Variants in IGSF21 observed in about 807,000 individuals in gnomAD.
IGSF21 encodes immunoglobulin superfamily member 21.
Under a neutral mutation model 46.8 loss-of-function variants are expected in IGSF21, and 28 were observed. The observed-to-expected ratio is 0.60, with a 90% CI of 0.44 to 0.82. IGSF21 has a LOEUF of 0.82. Among genes scored for constraint, IGSF21 ranks in the 40% least tolerant of loss-of-function variants. IGSF21 has a pLI of 0.00. For synonymous variants in IGSF21, 284 were observed against 273.6 expected, an observed-to-expected ratio of 1.04 and a Z score of -0.38; for missense variants, 624 against 665.5, an observed-to-expected ratio of 0.94 and a Z score of 0.69.
rs1214148415 is a variant in IGSF21, at chr1:18,109,022, G to T, written c.70+824G>T. 6.7e-6 allele frequency among the ~76,000 whole-genome samples: 1 copy of T among 149,516 alleles called. No homozygotes were observed. Among genetic ancestry groups the T allele is most frequent in the African/African-American group, 2.5e-5 (1 of 40,530 alleles). On this transcript the variant is annotated intron_variant, in intron 1 of 9. Coordinates refer to ENST00000251296, the MANE Select transcript of IGSF21 (RefSeq NM_032880.5). The surrounding 1 kb of genome is among the most constrained non-coding windows in gnomAD (Gnocchi z 4.8). Reference sequence around the variant, plus strand: ...TGTGTGTGTGTGTGTGTGTCCCGCCGTGTGGACTTGCTCCCGGGTTAGGCT... The same window carrying T: ...TGTGTGTGTGTGTGTGTGTCCCGCCTTGTGGACTTGCTCCCGGGTTAGGCT...
chr1:18,374,450 T>G (rs1445903912), intron 6 of IGSF21, among the ~76,000 whole-genome samples: 3 of 152,106 alleles, frequency 2.0e-5, no homozygotes. Context: ...CACTTGGGAA[T>G]GCGAAGGGGA....
At position 18,169,413 on chromosome 1, in the gene IGSF21, T is replaced by C. The variant is rs530176175; in HGVS notation, c.71-58485T>C. ...TCTTCCACCATTCCTCTAACCCCCG[T>C]CTTGCCCACGCTAACTGGGATGCCA... On this transcript the variant is annotated intron_variant, in intron 1 of 9. Transcript: ENST00000251296. Among the ~76,000 whole-genome samples the C allele has an allele frequency of 2.3e-3, 357 of 152,300 alleles. 1 individual carries two copies. The highest frequency in any genetic ancestry group is 4.6e-3 in the Admixed American group (70 of 15,294).
chr1:18,283,896 T>C (rs1330274833), intron 2 of IGSF21, among the ~76,000 whole-genome samples: 1 of 152,078 alleles, frequency 6.6e-6, no homozygotes, highest in Non-Finnish European at 1.5e-5. Context: ...ATGATGTTCA[T>C]TCCTATAAAA....
intron 4 of IGSF21, among the ~76,000 whole-genome samples, chr1:18,361,013 G>T (rs367811335): frequency 6.6e-6 from 1 of 152,136 alleles, no homozygotes; most frequent in African/African-American, 2.4e-5. Context: ...ACCAGCCAGG[G>T]GCAGTGGGTG....
In IGSF21 at chr1:18,131,677, G is replaced by A. The variant is rs758355425; in HGVS notation, c.70+23479G>A. The stretch of plus-strand genomic sequence containing the variant: ...GTTCACTGAAGGTATCTCTGTAGGC[G>A]GGTGGTTTTCCTCCATGTGCTGACT... On this transcript the variant is annotated intron_variant, in intron 1 of 9. Transcript: ENST00000251296. 6.1e-4 allele frequency among the ~76,000 whole-genome samples: 93 copies of A among 152,150 alleles called. 3 individuals are homozygous for A. Among genetic ancestry groups the A allele is most frequent in the African/African-American group, 1.4e-4 (6 of 41,434 alleles).
rs75870507 is a variant in IGSF21, at chr1:18,341,308, C to T, written c.424+6298C>T. On this transcript the variant is annotated intron_variant, in intron 4 of 9. Transcript: ENST00000251296. ...CATCAGTCATTGAATTAGGACTCACCCTAATCCAGTGTGACCTCATCTTAC... is the reference window on the plus strand; with the variant it reads ...CATCAGTCATTGAATTAGGACTCACTCTAATCCAGTGTGACCTCATCTTAC... Among the ~76,000 whole-genome samples the T allele has an allele frequency of 7.9e-3, 1,196 of 152,106 alleles. 10 individuals are homozygous for T. The highest frequency in any genetic ancestry group is 0.037 in the South Asian group (180 of 4,820).
intron 1 of IGSF21, among the ~76,000 whole-genome samples, chr1:18,157,923 C>T (rs1363415239): frequency 2.6e-5 from 4 of 152,202 alleles, no homozygotes; most frequent in Non-Finnish European, 5.9e-5. Context: ...TCCCACTAGA[C>T]TGCGAGCTTC....
chr1:18,289,044 A>G (rs796300957), intron 2 of IGSF21, among the ~76,000 whole-genome samples: 4 of 152,160 alleles, frequency 2.6e-5, no homozygotes, highest in African/African-American at 9.6e-5. Context: ...GTGTGTGGGT[A>G]TGTGTGTGGA....
chr1:18,354,750 A>C (rs1317619647), intron 4 of IGSF21, among the ~76,000 whole-genome samples: 1 of 152,160 alleles, frequency 6.6e-6, no homozygotes, highest in African/African-American at 2.4e-5. Flanking sequence ...TCCTCGAGAC[A>C]ATGGTTACTC....
At chr1:18,371,122 G>A (rs1381926024) in intron 6 of IGSF21, among the ~76,000 whole-genome samples, 1 of 152,130 alleles carries the variant, frequency 6.6e-6, no homozygotes, top group Non-Finnish European at 1.5e-5. Flanking sequence ...TTTATTCATG[G>A]CAACAGCAAA....
chr1:18,353,199 A>G (rs532864771), intron 4 of IGSF21, among the ~76,000 whole-genome samples: 28 of 151,332 alleles, frequency 1.9e-4, no homozygotes, highest in African/African-American at 5.6e-4. Flanking sequence ...TAATTTTCCC[A>G]TAAACCAAAG....
intron 1 of IGSF21, among the ~76,000 whole-genome samples, chr1:18,150,591 C>T (rs566887012): frequency 4.6e-5 from 7 of 152,254 alleles, no homozygotes; most frequent in South Asian, 2.1e-4. Context: ...AGGGGCTAGG[C>T]GAGACCGGTA....
At chr1:18,191,476 G>A (rs933168233) in intron 1 of IGSF21, among the ~76,000 whole-genome samples, 3 of 152,106 alleles carry the variant, frequency 2.0e-5, no homozygotes, top group African/African-American at 4.8e-5. Flanking sequence ...GATTATGTGA[G>A]GCTTTGCTGA....
chr1:18,210,929 G>T (rs995581496), intron 1 of IGSF21, among the ~76,000 whole-genome samples: 3 of 152,056 alleles, frequency 2.0e-5, no homozygotes, highest in African/African-American at 7.2e-5. Context: ...GTGCAGTGGC[G>T]TGATCTAGGC....
At chr1:18,227,135 T>C (rs944973482) in intron 1 of IGSF21, among the ~76,000 whole-genome samples, 2 of 152,188 alleles carry the variant, frequency 1.3e-5, no homozygotes, top group Non-Finnish European at 1.5e-5. Context: ...AGTGGGTCTA[T>C]AATGGACTTC....
intron 1 of IGSF21, among the ~76,000 whole-genome samples, chr1:18,137,126 C>T (rs1268292201): frequency 1.3e-5 from 2 of 152,130 alleles, no homozygotes; most frequent in East Asian, 3.9e-4. Flanking sequence ...CCTCTAGAAG[C>T]TTCCAATCAT....
At chr1:18,140,311 G>C (rs544947463) in intron 1 of IGSF21, among the ~76,000 whole-genome samples, 4 of 152,290 alleles carry the variant, frequency 2.6e-5, no homozygotes, top group African/African-American at 9.6e-5. Context: ...AGTTCTAGTT[G>C]CCTGCAGGAA....
rs1410722009 is a variant in IGSF21, at chr1:18,108,058, C to T, written c.-71C>T. On this transcript the variant is annotated 5_prime_UTR_variant, in exon 1 of 10. Coordinates refer to ENST00000251296, the MANE Select transcript of IGSF21 (RefSeq NM_032880.5). Reference sequence around the variant, plus strand: ...CCGGAGGCAGGAGCGCGTCTGAGCCCATGGCGAGGGGACCCGCCGCCACCG... The same window carrying T: ...CCGGAGGCAGGAGCGCGTCTGAGCCTATGGCGAGGGGACCCGCCGCCACCG... 2 of 681,186 alleles carry T rather than the reference C, an allele frequency of 2.9e-6. No homozygotes were observed. Among genetic ancestry groups the T allele is most frequent in the African/African-American group, 1.9e-5 (1 of 51,912 alleles). The allele number at this position is 681,186 out of a possible 1,614,324, so 42.2% of individuals were successfully genotyped here.
intron 1 of IGSF21, among the ~76,000 whole-genome samples, chr1:18,180,385 G>A (rs757082404): frequency 2.0e-5 from 3 of 152,100 alleles, no homozygotes; most frequent in Non-Finnish European, 2.9e-5. Flanking sequence ...GCTTTGGGTT[G>A]CTGAGCCCTC....
Sources: allele counts gnomAD v4.1 joint callset (sites outside exome capture counted in the v4.1 genomes callset), GRCh38; gene constraint gnomAD v4.1.1; non-coding constraint Gnocchi (gnomAD v3.1); transcripts MANE v1.5; gene names NCBI Gene and HGNC (gene_info 2026-07-23, HGNC 2026-07-21).